The following TRABD2B variants were observed in gnomAD, a reference collection of about 807,000 sequenced individuals.
TRABD2B encodes TraB domain containing 2B.
A neutral mutation model predicts 40.1 loss-of-function variants in TRABD2B; 14 were observed. The observed-to-expected ratio is 0.35, with a 90% CI of 0.23 to 0.55. The LOEUF is 0.55. Among genes scored for constraint, TRABD2B ranks in the 20% least tolerant of loss-of-function variants. The pLI, the probability that TRABD2B is intolerant of heterozygous loss-of-function variation, is 0.90. For missense variants in TRABD2B, 541 were observed against 648.6 expected (o/e 0.83, Z 1.80); for synonymous variants, 263 against 277.0 (o/e 0.95, Z 0.50).
At chr1:47,945,307 C>T (rs1485595979) in intron 2 of TRABD2B, among the ~76,000 whole-genome samples, 1 of 152,184 alleles carries the variant, frequency 6.6e-6, no homozygotes, top group African/African-American at 2.4e-5. Context: ...TGAAACTAGT[C>T]TAAGGGAAAG....
intron 2 of TRABD2B, among the ~76,000 whole-genome samples, chr1:47,936,025 C>T (rs6681669): frequency 0.25 from 38,598 of 152,082 alleles, 4,939 homozygotes; most frequent in Admixed American, 0.28. Context: ...GGCTGTTAAG[C>T]GTAGTAAACA....
chr1:47,926,098 G>C (rs929948514), intron 2 of TRABD2B, among the ~76,000 whole-genome samples: 1 of 152,208 alleles, frequency 6.6e-6, no homozygotes, highest in Non-Finnish European at 1.5e-5. Flanking sequence ...ACAGTATCAA[G>C]TGACTTTGCT....
At chr1:47,843,003 A>G (rs759405282) in intron 2 of TRABD2B, among the ~76,000 whole-genome samples, 1 of 152,060 alleles carries the variant, frequency 6.6e-6, no homozygotes, top group Non-Finnish European at 1.5e-5. Context: ...AGACAGAGGT[A>G]GTGTCATGAT....
At chr1:47,846,958 G>A (rs1011336340) in intron 2 of TRABD2B, among the ~76,000 whole-genome samples, 4 of 151,888 alleles carry the variant, frequency 2.6e-5, no homozygotes, top group Admixed American at 2.0e-4. Flanking sequence ...AGTGATCTGC[G>A]GGAGATAGGA....
At chr1:47,957,293 A>G (rs1280463172) in intron 2 of TRABD2B, among the ~76,000 whole-genome samples, 1 of 152,232 alleles carries the variant, frequency 6.6e-6, no homozygotes, top group Non-Finnish European at 1.5e-5. Context: ...TAAAAATCAG[A>G]GTGTCTCTTC....
intron 2 of TRABD2B, among the ~76,000 whole-genome samples, chr1:47,974,923 C>T (rs1645733795): frequency 6.6e-6 from 1 of 152,170 alleles, no homozygotes; most frequent in South Asian, 2.1e-4. Flanking sequence ...CCCCAAAACA[C>T]ACAATTCCAC....
chr1:47,937,946 TG>T (rs1020736865), intron 2 of TRABD2B, among the ~76,000 whole-genome samples: 1 of 152,152 alleles, frequency 6.6e-6, no homozygotes, highest in Non-Finnish European at 1.5e-5. Context: ...CAAGAGGATA[TG>T]GGAAAAAACT....
At chr1:47,766,901 A>G (rs1002253662) in intron 6 of TRABD2B, among the ~76,000 whole-genome samples, 3 of 152,228 alleles carry the variant, frequency 2.0e-5, no homozygotes, top group African/African-American at 7.2e-5. Context: ...AAGAAAGCCC[A>G]CGTGACAGAG....
At chr1:47,816,969 C>T (rs1427821046) in intron 2 of TRABD2B, among the ~76,000 whole-genome samples, 4 of 152,096 alleles carry the variant, frequency 2.6e-5, no homozygotes, top group African/African-American at 9.7e-5. Flanking sequence ...AGTCATCTAC[C>T]GACTTCTCTG....
chr1:47,857,417 T>C (rs1643903908), intron 2 of TRABD2B, among the ~76,000 whole-genome samples: 1 of 152,150 alleles, frequency 6.6e-6, no homozygotes, highest in African/African-American at 2.4e-5. Flanking sequence ...ACCGTGTGCC[T>C]ACCTAGCAAC....
intron 2 of TRABD2B, among the ~76,000 whole-genome samples, chr1:47,888,962 G>A (rs1409552653): frequency 2.0e-5 from 3 of 152,168 alleles, no homozygotes; most frequent in African/African-American, 7.2e-5. Context: ...TGTGGCCCGC[G>A]CTCCCCAGCC....
At chr1:47,837,594 C>A (rs1376304300) in intron 2 of TRABD2B, among the ~76,000 whole-genome samples, 1 of 152,150 alleles carries the variant, frequency 6.6e-6, no homozygotes, top group Non-Finnish European at 1.5e-5. Flanking sequence ...CGCCTCCTGT[C>A]TGTATCACCT....
At chr1:47,817,835 C>T (rs1228864695) in intron 2 of TRABD2B, among the ~76,000 whole-genome samples, 2 of 152,212 alleles carry the variant, frequency 1.3e-5, no homozygotes, top group Non-Finnish European at 2.9e-5. Flanking sequence ...TCTCAGGGGC[C>T]GTGGGCCCAG....
At chr1:47,891,595 G>C (rs760587007) in intron 2 of TRABD2B, among the ~76,000 whole-genome samples, 2 of 152,112 alleles carry the variant, frequency 1.3e-5, no homozygotes, top group African/African-American at 2.4e-5. Context: ...CCAGGAGTTC[G>C]AGACTAGCCT....
At chr1:47,809,510 C>T (rs1644934736) in intron 2 of TRABD2B, among the ~76,000 whole-genome samples, 1 of 152,238 alleles carries the variant, frequency 6.6e-6, no homozygotes, top group Non-Finnish European at 1.5e-5. Context: ...GGGCCCAAAT[C>T]ATCTCTCAGC....
chr1:47,824,195 C>T (rs544880784), intron 2 of TRABD2B, among the ~76,000 whole-genome samples: 9 of 152,230 alleles, frequency 5.9e-5, no homozygotes, highest in Admixed American at 2.6e-4. Context: ...GAGCCAGGCT[C>T]GCTCGTGTCC....
chr1:47,905,939 C>A (rs1208037964), intron 2 of TRABD2B, among the ~76,000 whole-genome samples: 1 of 152,182 alleles, frequency 6.6e-6, no homozygotes, highest in Non-Finnish European at 1.5e-5. Flanking sequence ...ATCCCTTGCA[C>A]CTGCCGCTCT....
At chr1:47,863,947 GA>G (rs1207339814) in intron 2 of TRABD2B, among the ~76,000 whole-genome samples, 9 of 152,146 alleles carry the variant, frequency 5.9e-5, no homozygotes, top group Non-Finnish European at 5.9e-5. Context: ...GCCATGAAAA[GA>G]CATAATGGAA....
intron 2 of TRABD2B, among the ~76,000 whole-genome samples, chr1:47,842,228 G>A (rs967355050): frequency 6.6e-6 from 1 of 152,220 alleles, no homozygotes; most frequent in African/African-American, 2.4e-5. Flanking sequence ...AGAGAATGGT[G>A]ATACTGGCAG....
Sources: gnomAD v4.1 joint callset for allele counts (sites outside exome capture counted in the v4.1 genomes callset) on GRCh38, gnomAD v4.1.1 for gene constraint, MANE v1.5 for transcripts, NCBI Gene and HGNC (gene_info 2026-07-23, HGNC 2026-07-21) for gene names.